Variants in NALF1 observed in about 807,000 individuals in gnomAD.
NALF1 encodes NALCN channel auxiliary factor 1.
In NALF1, 3 loss-of-function variants were observed where a neutral mutation model predicts 48.4. That is an observed-to-expected ratio of 0.06 (90% CI 0.03 to 0.16). NALF1 has a LOEUF of 0.16. Ranked by LOEUF, NALF1 falls within the 10% of genes least tolerant of loss-of-function variation. NALF1 has a pLI of 1.00. For missense variants in NALF1, 526 were observed against 571.5 expected (o/e 0.92, Z 0.81); for synonymous variants, 262 against 245.7 (o/e 1.07, Z -0.62).
intron 1 of NALF1, among the ~76,000 whole-genome samples, chr13:107,629,219 A>G (rs188746036): frequency 1.3e-3 from 199 of 152,318 alleles, no homozygotes; most frequent in African/African-American, 4.4e-3. Context: ...TTATTTGACA[A>G]TTAAGTCCAA....
chr13:107,510,547 C>T (rs1875853072), intron 1 of NALF1, among the ~76,000 whole-genome samples: 2 of 152,172 alleles, frequency 1.3e-5, no homozygotes, highest in Non-Finnish European at 2.9e-5. Flanking sequence ...ACATTACATA[C>T]TTTAAAACCT....
At chr13:107,721,108 AT>A (rs1566456847) in intron 1 of NALF1, among the ~76,000 whole-genome samples, 1 of 74,252 alleles carries the variant, frequency 1.3e-5, no homozygotes, top group Non-Finnish European at 2.7e-5. Flanking sequence ...TCAGATCTCA[AT>A]ACACACACAC....
chr13:107,355,366 T>C (rs552908821), intron 1 of NALF1, among the ~76,000 whole-genome samples: 1 of 152,330 alleles, frequency 6.6e-6, no homozygotes, highest in African/African-American at 2.4e-5. Context: ...TCTCTAACTC[T>C]AGTTTGAGAA....
chr13:107,452,773 C>G (rs1254554510), intron 1 of NALF1, among the ~76,000 whole-genome samples: 1 of 152,134 alleles, frequency 6.6e-6, no homozygotes, highest in Admixed American at 6.5e-5. Context: ...AGACCATAAG[C>G]CTTCTGCCTA....
chr13:107,457,176 G>A (rs572845084), intron 1 of NALF1, among the ~76,000 whole-genome samples: 1 of 152,098 alleles, frequency 6.6e-6, no homozygotes, highest in East Asian at 1.9e-4. Context: ...CTTTATTTTC[G>A]AATAGTTTAT....
chr13:107,739,455 A>C (rs912227952), intron 1 of NALF1, among the ~76,000 whole-genome samples: 7 of 149,364 alleles, frequency 4.7e-5, no homozygotes, highest in Non-Finnish European at 1.0e-4. Flanking sequence ...TATTATATAC[A>C]TGTGTATATA....
chr13:107,822,258 T>C (rs1879380566), intron 1 of NALF1, among the ~76,000 whole-genome samples: 1 of 151,998 alleles, frequency 6.6e-6, no homozygotes, highest in Admixed American at 6.6e-5. Context: ...TGCACTTGTG[T>C]GGTGGAGCTA....
chr13:107,250,756 T>A (rs1317535506), intron 1 of NALF1, among the ~76,000 whole-genome samples: 1 of 152,132 alleles, frequency 6.6e-6, no homozygotes, highest in Non-Finnish European at 1.5e-5. Flanking sequence ...CATTTGTAAT[T>A]CCCAGTGTTG....
chr13:107,772,880 T>C (rs1877619178), intron 1 of NALF1, among the ~76,000 whole-genome samples: 1 of 152,200 alleles, frequency 6.6e-6, no homozygotes, highest in African/African-American at 2.4e-5. Context: ...GTATAAAATC[T>C]CTACCATATG....
At chr13:107,520,446 C>G (rs1001563944) in intron 1 of NALF1, among the ~76,000 whole-genome samples, 7 of 152,172 alleles carry the variant, frequency 4.6e-5, no homozygotes, top group Non-Finnish European at 8.8e-5. Context: ...AGGATTGAAG[C>G]TATACCTGAA....
chr13:107,577,339 T>C (rs1878183349), intron 1 of NALF1, among the ~76,000 whole-genome samples: 1 of 152,174 alleles, frequency 6.6e-6, no homozygotes, highest in Admixed American at 6.5e-5. Context: ...ATCTGCCTGT[T>C]CCTCTAAAGT....
At chr13:107,862,392 TA>T (rs1880595617) in intron 1 of NALF1, among the ~76,000 whole-genome samples, 3 of 152,136 alleles carry the variant, frequency 2.0e-5, no homozygotes, top group South Asian at 2.1e-4. Context: ...TCGAACAACT[TA>T]AAAATTTTGG....
intron 1 of NALF1, among the ~76,000 whole-genome samples, chr13:107,457,804 A>T (rs945631938): frequency 1.3e-5 from 2 of 152,174 alleles, no homozygotes; most frequent in African/African-American, 4.8e-5. Flanking sequence ...CCATTTATTT[A>T]CTTATTTTTG....
At chr13:107,681,374 A>G (rs3909001) in intron 1 of NALF1, among the ~76,000 whole-genome samples, 143,553 of 152,142 alleles carry the variant, frequency 0.94, 68,234 homozygotes, top group East Asian at 1. Context: ...TGAAAGGGTC[A>G]CTGGTCTGGT....
intron 1 of NALF1, among the ~76,000 whole-genome samples, chr13:107,539,879 G>C (rs1382168440): frequency 1.3e-5 from 2 of 151,956 alleles, no homozygotes; most frequent in African/African-American, 2.4e-5. Context: ...ATGAAGTGCT[G>C]GTTTTGCTAT....
intron 1 of NALF1, among the ~76,000 whole-genome samples, chr13:107,407,515 C>A (rs537515789): frequency 6.6e-6 from 1 of 152,156 alleles, no homozygotes; most frequent in South Asian, 2.1e-4. Context: ...AGGTGCTCAA[C>A]ATCAATGATC....
At chr13:107,538,229 C>T (rs1190610612) in intron 1 of NALF1, among the ~76,000 whole-genome samples, 2 of 152,026 alleles carry the variant, frequency 1.3e-5, no homozygotes, top group East Asian at 1.9e-4. Context: ...GTAATAAATG[C>T]ATTTCTTTCT....
intron 1 of NALF1, among the ~76,000 whole-genome samples, chr13:107,437,650 A>G (rs1884484594): frequency 6.6e-6 from 1 of 152,222 alleles, no homozygotes; most frequent in Non-Finnish European, 1.5e-5. Flanking sequence ...ACTTAGAAAA[A>G]GTGTCAGAAC....
intron 1 of NALF1, among the ~76,000 whole-genome samples, chr13:107,496,271 G>A (rs1325884103): frequency 1.3e-5 from 2 of 152,268 alleles, no homozygotes; most frequent in Non-Finnish European, 2.9e-5. Flanking sequence ...AGTATGATGA[G>A]TTTATAGATG....
Sources: gnomAD v4.1 joint callset for allele counts (sites outside exome capture counted in the v4.1 genomes callset) on GRCh38, gnomAD v4.1.1 for gene constraint, MANE v1.5 for transcripts, NCBI Gene and HGNC (gene_info 2026-07-23, HGNC 2026-07-21) for gene names.